The following PRIMPOL variants were observed in gnomAD, a reference collection of about 807,000 sequenced individuals.
PRIMPOL encodes the protein DNA-directed primase/polymerase protein.
PRIMPOL carries 54 observed loss-of-function variants against 63.6 expected under a neutral mutation model. That is an observed-to-expected ratio of 0.85 (90% CI 0.68 to 1.07). The LOEUF (loss-of-function observed/expected upper bound fraction) is 1.07, where lower values mean the gene tolerates loss of function less well. Ranked by LOEUF, PRIMPOL falls within the 50% of genes least tolerant of loss-of-function variation. The pLI, the probability that PRIMPOL is intolerant of heterozygous loss-of-function variation, is 0.00. For missense variants in PRIMPOL, 610 were observed against 648.3 expected (o/e 0.94, Z 0.64); for synonymous variants, 197 against 220.2 (o/e 0.89, Z 0.93).
chr4:184,654,600 A>ACAGGCACCCG (rs1745743138), intron 2 of PRIMPOL, among the ~76,000 whole-genome samples: 1 of 151,810 alleles, frequency 6.6e-6, no homozygotes, highest in African/African-American at 2.4e-5. Context: ...ACAGGCACCC[A>ACAGGCACCCG]CCACCACGCC....
chr4:184,687,006 G>A (rs941337854), intron 11 of PRIMPOL, among the ~76,000 whole-genome samples: 1 of 152,072 alleles, frequency 6.6e-6, no homozygotes, highest in African/African-American at 2.4e-5. Flanking sequence ...CTTGTATTAT[G>A]TCTCCATAAT....
In PRIMPOL at chr4:184,663,018, TTTATTA is replaced by T. The variant is rs70962516; in HGVS notation, c.408+1151_408+1156del. Among the ~76,000 whole-genome samples, 887 of 138,750 alleles carry T rather than the reference TTTATTA, an allele frequency of 6.4e-3. 4 individuals carry two copies. The highest frequency in any genetic ancestry group is 0.01 in the African/African-American group (381 of 37,780). The allele number at this position is 138,750 out of a possible 152,430, so 91.0% of individuals were successfully genotyped here. A position where few individuals can be genotyped will look rare whatever the true frequency, so the allele number is the denominator to read the frequency against. ...GGTAAATTCTGTTTAATTTTAAACC[TTTATTA>T]TTATTATTATTATTATTATTATTAT... On this transcript the variant is annotated intron_variant, in intron 5 of 13. Coordinates refer to ENST00000314970, the MANE Select transcript of PRIMPOL (RefSeq NM_152683.4).
chr4:184,676,361 CTCCTT>C (rs774921688), intron 7 of PRIMPOL, among the ~76,000 whole-genome samples: 2,420 of 109,704 alleles, frequency 0.022, 87 homozygotes, highest in Non-Finnish European at 0.032. Flanking sequence ...TCCTTCCCTT[CTCCTT>C]TCCCTTCCCT....
chr4:184,660,510 T>A (rs1303215685), intron 4 of PRIMPOL, among the ~76,000 whole-genome samples: 1 of 152,180 alleles, frequency 6.6e-6, no homozygotes, highest in Non-Finnish European at 1.5e-5. Context: ...ACTTGAGTAA[T>A]GTGTGGAAAA....
intron 7 of PRIMPOL, among the ~76,000 whole-genome samples, chr4:184,675,955 A>C (rs755257483): frequency 6.6e-6 from 1 of 152,140 alleles, no homozygotes; most frequent in Non-Finnish European, 1.5e-5. Flanking sequence ...GAGGAACATA[A>C]GTCATTAAAT....
In PRIMPOL at chr4:184,657,483, A is replaced by C. The variant is rs1304235060; in HGVS notation, c.180+163A>C. The stretch of plus-strand genomic sequence containing the variant: ...AAAATTTAATGGCAATCTTAATGGC[A>C]TGTGATTTAGGAAAAATATTCCTGT... On this transcript the variant is annotated intron_variant, in intron 3 of 13. Transcript: ENST00000314970. 33 of 557,148 alleles carry C rather than the reference A, an allele frequency of 5.9e-5. No individual in the cohort carries two copies. In the East Asian group the frequency reaches 9.7e-4, roughly 16 times the overall value. The allele number at this position is 557,148 out of a possible 1,614,324, so 34.5% of individuals were successfully genotyped here. A position where few individuals can be genotyped will look rare whatever the true frequency, so the allele number is the denominator to read the frequency against.
chr4:184,691,591 T>G lies in PRIMPOL; in HGVS notation c.1378+10T>G. 6.2e-7 allele frequency: 1 copy of G among 1,603,812 alleles called. No homozygotes were observed. ...AACTTCAAATCTGACTGTAAGTTAC[T>G]AATTTTTACATTTACCACAAAGTAA... is the stretch of plus-strand genomic sequence containing the variant. On this transcript the variant is annotated intron_variant, in intron 12 of 13. Coordinates refer to ENST00000314970, the MANE Select transcript of PRIMPOL (RefSeq NM_152683.4).
chr4:184,673,549 T>C (rs1211772303), intron 7 of PRIMPOL, among the ~76,000 whole-genome samples: 1 of 151,096 alleles, frequency 6.6e-6, no homozygotes, highest in Non-Finnish European at 1.5e-5. Context: ...CTCAGCCTCC[T>C]GAGTAGCTGG....
intron 3 of PRIMPOL, among the ~76,000 whole-genome samples, chr4:184,658,083 T>G (rs538413865): frequency 0.041 from 5,150 of 125,206 alleles, 174 homozygotes; most frequent in African/African-American, 0.09. Flanking sequence ...TTTTTTTTTT[T>G]TGGGGCACTG....
intron 4 of PRIMPOL, among the ~76,000 whole-genome samples, chr4:184,660,161 CTT>C (rs201816264): frequency 6.9e-6 from 1 of 144,698 alleles, no homozygotes; most frequent in South Asian, 2.2e-4. Context: ...TCAAGTATTT[CTT>C]TTTTTTTTTC....
chr4:184,675,785 C>T (rs561254918), intron 7 of PRIMPOL, among the ~76,000 whole-genome samples: 1 of 152,270 alleles, frequency 6.6e-6, no homozygotes, highest in East Asian at 1.9e-4. Flanking sequence ...CCACTGCACT[C>T]CAGCCTGGGC....
intron 11 of PRIMPOL, among the ~76,000 whole-genome samples, chr4:184,686,992 ACAC>A: frequency 6.6e-6 from 1 of 152,308 alleles, no homozygotes; most frequent in Middle Eastern, 3.4e-3. Flanking sequence ...GGTGATCATA[ACAC>A]CTTGTATTAT....
intron 4 of PRIMPOL, among the ~76,000 whole-genome samples, chr4:184,660,277 T>A (rs1747954515): frequency 6.6e-6 from 1 of 151,686 alleles, no homozygotes; most frequent in African/African-American, 2.4e-5. Flanking sequence ...CCTCCCTGAG[T>A]TCAAGCAATT....
Position 184,659,424 on chromosome 4 carries a change from T to A in PRIMPOL, c.265T>A (p.Tyr89Asn). The A allele has an allele frequency of 6.2e-7, 1 of 1,610,904 alleles. No individual in the cohort carries two copies. The highest frequency in any genetic ancestry group is 8.5e-7 in the Non-Finnish European group (1 of 1,177,058). ...GACAACCTATGCTGAATTTTGGTTT[T>A]ACTATAAATCCAGGTAGGTAGCATG... ...LVTTYAEFWF[Y>N]YKSRKNLLHC... The change falls in exon 4 of 14, where the codon TAC (tyrosine) becomes AAC (asparagine). Residue 89 changes from tyrosine to asparagine, a missense_variant. Tyr to Asn is a moderately radical substitution (Grantham distance 143). Transcript: ENST00000314970.
At chr4:184,663,976 A>T (rs991546303) in intron 5 of PRIMPOL, among the ~76,000 whole-genome samples, 3 of 152,226 alleles carry the variant, frequency 2.0e-5, no homozygotes, top group African/African-American at 7.2e-5. Flanking sequence ...CCTGTGGTTC[A>T]GTGGCTAAAC....
rs571254923 is a variant in PRIMPOL at position 184,681,671 on chromosome 4, T to A, written c.1008-577T>A. On this transcript the variant is annotated intron_variant, in intron 8 of 13. Transcript: ENST00000314970. Reference sequence around the variant, plus strand: ...CTCACTGCAACCTCTGCCTCCTGGGTTCAAGCAGTTCTTCTGCCTCAGCCT... The same window carrying A: ...CTCACTGCAACCTCTGCCTCCTGGGATCAAGCAGTTCTTCTGCCTCAGCCT... Among the ~76,000 whole-genome samples, 4 of 151,984 alleles carry A rather than the reference T, an allele frequency of 2.6e-5. No individual in the cohort carries two copies. The South Asian group carries it at 8.3e-4, about 32-fold the overall frequency.
chr4:184,691,706 CAA>C lies in PRIMPOL; in HGVS notation c.1421_1422del (p.Lys474ArgfsTer9). On this transcript the variant is annotated frameshift_variant, in exon 13 of 14. Coordinates refer to ENST00000314970, the MANE Select transcript of PRIMPOL (RefSeq NM_152683.4). LOFTEE classifies it low-confidence loss of function (END_TRUNC). ...CTGAAGTATGTCTCCTGTTTCTTTT[CAA>C]AGAGGTAAGTACAGATTTTAGTGTC... Reference protein sequence around the residue: ...PAEVCLLFLFKEEEEFTTDEA... With the variant: ...PAEVCLLFLFXEEEEFTTDEA... The C allele has an allele frequency of 1.9e-6, 3 of 1,610,868 alleles. No individual in the cohort carries two copies. Among genetic ancestry groups the C allele is most frequent in the Non-Finnish European group, 2.5e-6 (3 of 1,177,620 alleles).
In PRIMPOL at chr4:184,670,613, A is replaced by T. The variant is rs1414354364; in HGVS notation, c.557-1560A>T. Among the ~76,000 whole-genome samples the T allele has an allele frequency of 5.4e-5, 8 of 148,580 alleles. No homozygotes were observed. The East Asian group carries it at 1.6e-3, about 29-fold the overall frequency. The stretch of plus-strand genomic sequence containing the variant: ...ACCTAGGCTGGAGTGCAGTGGCATG[A>T]TCTTGGCTCACTGCAACCTCCACCT... On this transcript the variant is annotated intron_variant, in intron 6 of 13. Transcript: ENST00000314970.
At chr4:184,657,371 TTTC>T (rs766974774) in intron 3 of PRIMPOL, 51 bp downstream of exon 3, 75 of 1,303,360 alleles carry the variant, frequency 5.8e-5, no homozygotes, top group South Asian at 2.1e-4. Flanking sequence ...CTTCCTCTTC[TTTC>T]TTCTTCTTCT....
Sources: gnomAD v4.1 joint callset for allele counts (sites outside exome capture counted in the v4.1 genomes callset) on GRCh38, gnomAD v4.1.1 for gene constraint, MANE v1.5 for transcripts, NCBI Gene and HGNC (gene_info 2026-07-23, HGNC 2026-07-21) for gene names.